The following TEX11 variants were observed in gnomAD, a reference collection of about 807,000 sequenced individuals.
TEX11 encodes testis-expressed protein 11.
A neutral mutation model predicts 84.4 loss-of-function variants in TEX11; 7 were observed. The ratio of observed to expected loss-of-function variants is 0.08; its 90% CI spans 0.05 to 0.16. The LOEUF (loss-of-function observed/expected upper bound fraction) is 0.16. Ranked by LOEUF, TEX11 falls within the 10% of genes least tolerant of loss-of-function variation. The pLI is 1.00. For missense variants in TEX11, 551 were observed against 660.5 expected (o/e 0.83, Z 1.82); for synonymous variants, 264 against 222.8 (o/e 1.18, Z -1.64).
chrX:70,762,971 T>C (rs1395343243), intron 9 of TEX11, among the ~76,000 whole-genome samples: 2 of 111,077 alleles, frequency 1.8e-5, no homozygotes, highest in Admixed American at 1.9e-4. Context: ...GAGGCACAGG[T>C]TGCAGTGAGC....
intron 2 of TEX11, among the ~76,000 whole-genome samples, chrX:70,884,005 G>T (rs1358540796): frequency 1.8e-5 from 2 of 111,664 alleles, no homozygotes; most frequent in East Asian, 5.6e-4. Flanking sequence ...ATCAATTCAA[G>T]ATTTTACTCC....
Position 70,740,833 on chromosome X carries a change from G to A in TEX11, c.748-37C>T, listed in dbSNP as rs779844180. ...AAAAAAAGAAAAAAAGCACATATCT[G>A]ATGGTTAAACTTCAATACAACAGCT... On this transcript the variant is annotated intron_variant, in intron 10 of 29. Transcript: ENST00000374333. 21 of 977,155 alleles carry A rather than the reference G, an allele frequency of 2.1e-5. No individual in the cohort carries two copies. The East Asian group carries it at 5.3e-4, about 24-fold the overall frequency. 80.5% of individuals were successfully genotyped at this position (977,155 alleles called of 1,213,427 possible).
intron 17 of TEX11, among the ~76,000 whole-genome samples, chrX:70,648,400 T>G (rs971657068): frequency 9.1e-6 from 1 of 109,930 alleles, no homozygotes; most frequent in African/African-American, 3.3e-5. Context: ...ACCCTGAAAC[T>G]TAAAGTATAA....
At chrX:70,863,103 G>C (rs911909366) in intron 4 of TEX11, among the ~76,000 whole-genome samples, 4 of 110,783 alleles carry the variant, frequency 3.6e-5, no homozygotes, top group African/African-American at 1.3e-4. Flanking sequence ...AGAGCACCTG[G>C]GGGAAGGGGC....
At chrX:70,542,388 T>A (rs949798549) in intron 28 of TEX11, among the ~76,000 whole-genome samples, 2 of 111,569 alleles carry the variant, frequency 1.8e-5, no homozygotes, top group African/African-American at 3.3e-5. Context: ...CTGTTATTTA[T>A]GATCCACCCA....
chrX:70,629,477 C>A, intron 18 of TEX11, 134 bp downstream of exon 18: 1 of 713,396 alleles, frequency 1.4e-6, no homozygotes, highest in Admixed American at 3.3e-5. Flanking sequence ...GTTCTGCAAC[C>A]AAGTTTGGCA....
intron 9 of TEX11, among the ~76,000 whole-genome samples, chrX:70,791,528 T>C (rs2091118090): frequency 8.9e-6 from 1 of 111,782 alleles, no homozygotes; most frequent in Non-Finnish European, 1.9e-5. Flanking sequence ...TTCTACAAAA[T>C]ATGTCACTCA....
chrX:70,784,278 G>A (rs2091062673), intron 9 of TEX11, among the ~76,000 whole-genome samples: 1 of 111,096 alleles, frequency 9.0e-6, no homozygotes, highest in Non-Finnish European at 1.9e-5. Flanking sequence ...AAATTCAACA[G>A]CTCTTCATGC....
intron 11 of TEX11, among the ~76,000 whole-genome samples, chrX:70,730,859 T>A (rs745846186): frequency 1.3e-4 from 14 of 111,787 alleles, no homozygotes; most frequent in South Asian, 3.7e-4. Context: ...CATTCTTTTC[T>A]GCACCACACC....
At position 70,841,810 on chromosome X, in the gene TEX11, T is replaced by A. The variant is rs752926225; in HGVS notation, c.526-8217A>T. Among the ~76,000 whole-genome samples, 3 of 111,032 alleles carry A rather than the reference T, an allele frequency of 2.7e-5. No individual in the cohort carries two copies. In the South Asian group the frequency reaches 1.1e-3, roughly 42 times the overall value. On this transcript the variant is annotated intron_variant, in intron 7 of 29. Coordinates refer to ENST00000374333, the MANE Select transcript of TEX11 (RefSeq NM_031276.3). ...ATGATAAAGGGGATATCACCACCGA[T>A]CCCACAGAAATACAAACTACCATCA... is the stretch of plus-strand genomic sequence containing the variant.
At chrX:70,567,570 T>C (rs1446014050) in intron 25 of TEX11, among the ~76,000 whole-genome samples, 1 of 111,234 alleles carries the variant, frequency 9.0e-6, no homozygotes, top group African/African-American at 3.3e-5. Flanking sequence ...CTACATACTG[T>C]TTTGAATGCA....
In TEX11 at chrX:70,593,703, T is replaced by C. The variant is rs774093762; in HGVS notation, c.2068-1880A>G. Among the ~76,000 whole-genome samples the C allele has an allele frequency of 9.8e-5, 11 of 111,871 alleles. No individual in the cohort carries two copies. The South Asian group carries it at 2.6e-3, about 26-fold the overall frequency. On this transcript the variant is annotated intron_variant, in intron 24 of 29. Coordinates refer to ENST00000374333, the MANE Select transcript of TEX11 (RefSeq NM_031276.3). The stretch of plus-strand genomic sequence containing the variant: ...AAGGATAAAAATTATAAAAATCAGA[T>C]GGAAATTCTGGAGTTGAAAACTACA...
intron 9 of TEX11, among the ~76,000 whole-genome samples, chrX:70,750,922 A>T (rs2090813213): frequency 3.6e-5 from 1 of 27,747 alleles, no homozygotes; most frequent in African/African-American, 1.8e-4. Context: ...AAAGTATAAT[A>T]AAAAAAAAAA....
chrX:70,629,831 T>C, intron 17 of TEX11, 96 bp from the exon 18 acceptor site: 1 of 672,637 alleles, frequency 1.5e-6, no homozygotes. Flanking sequence ...GGAACTTATT[T>C]TAAGAACATT....
chrX:70,756,295 C>T (rs1233536890), intron 9 of TEX11, among the ~76,000 whole-genome samples: 1 of 112,239 alleles, frequency 8.9e-6, no homozygotes, highest in African/African-American at 3.2e-5. Context: ...GTTCAGAGAA[C>T]GGGCAGACTG....
At chrX:70,774,984 A>G (rs775424410) in intron 9 of TEX11, among the ~76,000 whole-genome samples, 1 of 112,211 alleles carries the variant, frequency 8.9e-6, no homozygotes, top group Admixed American at 9.5e-5. Flanking sequence ...AAACAACATG[A>G]TATTGGTATA....
chrX:70,760,323 AG>A (rs2090900067), intron 9 of TEX11, among the ~76,000 whole-genome samples: 1 of 112,110 alleles, frequency 8.9e-6, no homozygotes. Flanking sequence ...CTAAGCAAAA[AG>A]AACAAAGCTG....
intron 22 of TEX11, among the ~76,000 whole-genome samples, chrX:70,607,777 CA>C (rs1371179725): frequency 8.9e-6 from 1 of 112,226 alleles, no homozygotes; most frequent in Non-Finnish European, 1.9e-5. Flanking sequence ...AGGCATCAGT[CA>C]GCATCATCTT....
intron 8 of TEX11, among the ~76,000 whole-genome samples, chrX:70,824,754 A>T (rs2091336024): frequency 1.8e-5 from 2 of 111,552 alleles, no homozygotes; most frequent in Admixed American, 1.9e-4. Context: ...AATAACCAGG[A>T]ATCTCAACCT....
Sources: allele counts gnomAD v4.1 joint callset (sites outside exome capture counted in the v4.1 genomes callset), GRCh38; gene constraint gnomAD v4.1.1; transcripts MANE v1.5; gene names NCBI Gene and HGNC (gene_info 2026-07-23, HGNC 2026-07-21).